ANKRD30B: variants seen among roughly 807,000 people sequenced by gnomAD.
ANKRD30B encodes the protein ankyrin repeat domain-containing protein 30B.
Under a neutral mutation model 202.2 loss-of-function variants are expected in ANKRD30B, and 144 were observed. That is an observed-to-expected ratio of 0.71 (90% CI 0.62 to 0.82). The LOEUF (loss-of-function observed/expected upper bound fraction) is 0.82, where lower values mean the gene tolerates loss of function less well. Ranked by LOEUF, ANKRD30B falls within the 40% of genes least tolerant of loss-of-function variation. The pLI is 0.00. For synonymous variants in ANKRD30B, 508 were observed against 561.3 expected (o/e 0.91, Z 1.34); for missense variants, 1,487 against 1,669.1 (o/e 0.89, Z 1.90).
intron 30 of ANKRD30B, among the ~76,000 whole-genome samples, chr18:14,818,836 C>T (rs1007906472): frequency 7.9e-5 from 12 of 151,880 alleles, no homozygotes; most frequent in Non-Finnish European, 1.2e-4. Context: ...GTGCATGTGT[C>T]GTTATAGCAG....
Position 14,784,458 on chromosome 18 carries a change from T to TAAA in ANKRD30B, c.1600-5_1600-4insAAA. 1 of 1,613,336 alleles carries TAAA rather than the reference T, an allele frequency of 6.2e-7. No homozygotes were observed. The highest frequency in any genetic ancestry group is 8.5e-7 in the Non-Finnish European group (1 of 1,179,498). ...ATTGATCATTTTTCTTCCAAACCCA[T>TAAA]TTAGCCTGCCGTTGAAATGCAAAAG... On this transcript the variant is annotated splice_polypyrimidine_tract_variant and splice_region_variant and intron_variant, in intron 13 of 43. Coordinates refer to ENST00000690538, the MANE Select transcript of ANKRD30B (RefSeq NM_001367607.2).
Position 14,791,413 on chromosome 18 carries a change from A to G in ANKRD30B, c.1747A>G (p.Thr583Ala). The change falls in exon 16 of 44, where the codon ACG (threonine) becomes GCG (alanine). Residue 583 changes from threonine (T) to alanine (A), a missense_variant. Physicochemically the swap from Thr to Ala is moderately conservative, Grantham distance 58 (BLOSUM62 0). Around this residue, in one of 6 missense-constraint regions of ANKRD30B, gnomAD observed 889 missense variants for 841.4 expected, o/e 1.06. Transcript: ENST00000690538. Reference sequence around the variant, plus strand: ...TTACTTTTAACAGAGTCCCTGTGAGACGGTTTCACAGAAGGATGTGTATTT... The same window carrying G: ...TTACTTTTAACAGAGTCCCTGTGAGGCGGTTTCACAGAAGGATGTGTATTT... ...NSWDSESPCE[T>A]VSQKDVYLPK... 6.2e-7 allele frequency: 1 copy of G among 1,607,970 alleles called. No individual in the cohort carries two copies. Among genetic ancestry groups the G allele is most frequent in the Admixed American group, 1.7e-5 (1 of 58,484 alleles).
At chr18:14,801,307 T>TA (rs1969272247) in intron 22 of ANKRD30B, among the ~76,000 whole-genome samples, 1 of 45,740 alleles carries the variant, frequency 2.2e-5, no homozygotes, top group Admixed American at 2.6e-4. Flanking sequence ...GATACAGTCT[T>TA]TTAGGCTTTA....
At chr18:14,854,881 G>T (rs924454090), downstream of ANKRD30B, among the ~76,000 whole-genome samples, 2 of 121,170 alleles carry the variant, frequency 1.7e-5, no homozygotes, top group African/African-American at 6.2e-5. Flanking sequence ...ACACACACAC[G>T]CTCTACCCTT....
At chr18:14,899,122 T>C in the ANKRD30B span, among the ~76,000 whole-genome samples, 53 of 152,288 alleles carry the variant, frequency 3.5e-4, no homozygotes, top group Admixed American at 2.1e-3. Context: ...ATAAAAAATT[T>C]GCCTATCAAA....
intron 9 of ANKRD30B, among the ~76,000 whole-genome samples, chr18:14,776,229 CTG>C (rs1400242183): frequency 2.6e-5 from 4 of 152,288 alleles, no homozygotes; most frequent in South Asian, 2.1e-4. Flanking sequence ...TGAGTACCAA[CTG>C]TGTGCTAGGC....
Position 14,848,778 on chromosome 18 carries a change from A to G in ANKRD30B, c.3244A>G (p.Lys1082Glu). 1 of 1,572,910 alleles carries G rather than the reference A, an allele frequency of 6.4e-7. No homozygotes were observed. The highest frequency in any genetic ancestry group is 8.6e-7 in the Non-Finnish European group (1 of 1,157,714). The part of the protein sequence containing the change: ...LPSCERGREL[K>E]KDNCEQITAK... Reference sequence around the variant, plus strand: ...TTCTTGTGAAAGAGGAAGGGAACTTAAAAAAGATAACTGTGAACAAATTAC... The same window carrying G: ...TTCTTGTGAAAGAGGAAGGGAACTTGAAAAAGATAACTGTGAACAAATTAC... Residue 1082 changes from lysine to glutamate, a missense_variant, in exon 40 of 44, where the codon AAA becomes GAA. Lys to Glu is a moderately conservative substitution (Grantham distance 56). This residue lies in a region of ANKRD30B where 177 missense variants were observed against 216.4 expected (regional missense o/e 0.82). Transcript: ENST00000690538.
Position 14,752,924 on chromosome 18 carries a change from C to G in ANKRD30B, c.422C>G (p.Thr141Arg), listed in dbSNP as rs541728454. ...DLNYVDVYGN[T>R]ALHYAVYSEN... ...AATTATGTAGATGTGTATGGCAACA[C>G]GGCTCTCCATTATGCCGTTTATAGT... Residue 141 changes from threonine to arginine, a missense_variant, in exon 3 of 44, where the codon ACG becomes AGG. Physicochemically the swap from Thr to Arg is moderately conservative, Grantham distance 71. This residue lies in a region of ANKRD30B where 889 missense variants were observed against 841.4 expected (regional missense o/e 1.06). Transcript: ENST00000690538. 1.2e-5 allele frequency: 20 copies of G among 1,604,360 alleles called. No homozygotes were observed. The South Asian group carries it at 1.8e-4, about 14-fold the overall frequency.
chr18:14,903,656 G>A, the ANKRD30B span: 2 of 152,130 alleles, frequency 1.3e-5, no homozygotes, highest in Non-Finnish European at 2.9e-5. Context: ...GTTGATCTCT[G>A]AAGGTCTTTA....
Position 14,791,460 on chromosome 18 carries a change from A to T in ANKRD30B, c.1794A>T (p.Lys598Asn). 6.2e-7 allele frequency: 1 copy of T among 1,611,326 alleles called. No homozygotes were observed. Among genetic ancestry groups the T allele is most frequent in the Non-Finnish European group, 8.5e-7 (1 of 1,178,978 alleles). The stretch of plus-strand genomic sequence containing the variant: ...ATTTACCCAAAGCTACACATCAAAA[A>T]GAATTCGATACCTTAAGTGGAAAAT... ...DVYLPKATHQ[K>N]EFDTLSGKLE... The change falls in exon 16 of 44, where the codon AAA becomes AAT. Residue 598 changes from lysine to asparagine, a missense_variant. Around this residue, in one of 6 missense-constraint regions of ANKRD30B, gnomAD observed 889 missense variants for 841.4 expected, o/e 1.06. Transcript: ENST00000690538.
chr18:14,865,249 C>G, the ANKRD30B span, among the ~76,000 whole-genome samples: 1 of 151,832 alleles, frequency 6.6e-6, no homozygotes, highest in Non-Finnish European at 1.5e-5. Flanking sequence ...CCACTGGCCA[C>G]CCTCTTTTCC....
At chr18:14,824,722 G>A (rs1206479432) in intron 32 of ANKRD30B, among the ~76,000 whole-genome samples, 1 of 152,198 alleles carries the variant, frequency 6.6e-6, no homozygotes, top group African/African-American at 2.4e-5. Context: ...TTAGATTTAA[G>A]TATCAGAGCA....
intron 34 of ANKRD30B, among the ~76,000 whole-genome samples, chr18:14,835,034 T>C (rs1199523444): frequency 6.6e-6 from 1 of 151,980 alleles, no homozygotes; most frequent in East Asian, 1.9e-4. Flanking sequence ...AACTAATTTA[T>C]CTTACTCTTT....
intron 39 of ANKRD30B, 44 bp downstream of exon 39, chr18:14,843,140 G>A (rs1971490903): frequency 6.6e-7 from 1 of 1,519,864 alleles, no homozygotes; most frequent in South Asian, 1.3e-5. Context: ...TATTTCAATA[G>A]TTGACATATT....
At chr18:14,927,014 T>A in the ANKRD30B span, among the ~76,000 whole-genome samples, 1 of 152,280 alleles carries the variant, frequency 6.6e-6, no homozygotes, top group South Asian at 2.1e-4. Context: ...GTAGTAGTAG[T>A]TGGTCTAATT....
chr18:14,774,825 T>C (rs1455186495), intron 9 of ANKRD30B, among the ~76,000 whole-genome samples: 1 of 140,588 alleles, frequency 7.1e-6, no homozygotes, highest in South Asian at 2.3e-4. Flanking sequence ...TTATTTTAGC[T>C]AAAAAAAAAA....
At position 14,763,791 on chromosome 18, in the gene ANKRD30B, T is replaced by C; in HGVS notation, c.926T>C (p.Leu309Ser). Residue 309 changes from leucine to serine, a missense_variant, in exon 7 of 44, where the codon TTG (leucine) becomes TCG (serine). Physicochemically the swap from Leu to Ser is moderately radical, Grantham distance 145. Transcript: ENST00000690538. Reference sequence around the variant, plus strand: ...AAAACACCTGACGAGGCTGCACGCTTGGTGGAGGGAACGTCTGCCAAAATT... The same window carrying C: ...AAAACACCTGACGAGGCTGCACGCTCGGTGGAGGGAACGTCTGCCAAAATT... ...LEKTPDEAAR[L>S]VEGTSAKIQC... 1 of 1,613,996 alleles carries C rather than the reference T, an allele frequency of 6.2e-7. No homozygotes were observed. Among genetic ancestry groups the C allele is most frequent in the Non-Finnish European group, 8.5e-7 (1 of 1,179,990 alleles).
the ANKRD30B span, among the ~76,000 whole-genome samples, chr18:14,882,696 A>C: frequency 2.0e-5 from 3 of 152,054 alleles, no homozygotes; most frequent in African/African-American, 4.8e-5. Flanking sequence ...TAGTGCTGTC[A>C]GTGGAGTATT....
At chr18:14,859,168 A>C (rs1972143857), downstream of ANKRD30B, among the ~76,000 whole-genome samples, 2 of 118,054 alleles carry the variant, frequency 1.7e-5, no homozygotes, top group Admixed American at 1.6e-4. Context: ...CTCACCTCCC[A>C]GATGGGGCGG....
Sources: gnomAD v4.1 joint callset for allele counts (sites outside exome capture counted in the v4.1 genomes callset) on GRCh38, gnomAD v4.1.1 for gene constraint, gnomAD v4.1.1 regional missense constraint, MANE v1.5 for transcripts, NCBI Gene and HGNC (gene_info 2026-07-23, HGNC 2026-07-21) for gene names.